The following CDK12 variants were observed in gnomAD, a reference collection of about 807,000 sequenced individuals.
CDK12 encodes cyclin-dependent kinase 12.
In CDK12, 17 loss-of-function variants were observed where a neutral mutation model predicts 133.8. The ratio of observed to expected loss-of-function variants is 0.13; its 90% CI spans 0.09 to 0.19. CDK12 has a LOEUF of 0.19. Ranked by LOEUF, CDK12 falls within the 10% of genes least tolerant of loss-of-function variation. The pLI is 1.00. For missense variants in CDK12, 1,508 were observed against 1,818.7 expected, an observed-to-expected ratio of 0.83 and a Z score of 3.11; for synonymous variants, 694 against 683.6, an observed-to-expected ratio of 1.02 and a Z score of -0.24.
In CDK12 at chr17:39,508,997, C is replaced by CA. The variant is rs36130789; in HGVS notation, c.2610-690dup. Among the ~76,000 whole-genome samples the CA allele has an allele frequency of 4.3e-3, 522 of 120,680 alleles. 11 individuals are homozygous for CA. Among genetic ancestry groups the CA allele is most frequent in the African/African-American group, 0.011 (349 of 30,738 alleles). The allele number at this position is 120,680 out of a possible 152,430, so 79.2% of individuals were successfully genotyped here. A position where few individuals can be genotyped will look rare whatever the true frequency, so the allele number is the denominator to read the frequency against. ...TAGGTAATAGAGTGAGACTCTGTCT[C>CA]AAAAAAAAAAAAAAAAAATCAGCAG... On this transcript the variant is annotated intron_variant, in intron 6 of 13. Transcript: ENST00000447079.
At chr17:39,494,418 A>T in intron 4 of CDK12, 106 bp from the exon 5 acceptor site, 2 of 891,956 alleles carry the variant, frequency 2.2e-6, no homozygotes, top group Non-Finnish European at 3.5e-6. Context: ...TGTAAGCATT[A>T]AAGTAAGCAC....
chr17:39,525,247 C>T (rs1231609861), intron 12 of CDK12, among the ~76,000 whole-genome samples: 1 of 152,072 alleles, frequency 6.6e-6, no homozygotes, highest in Admixed American at 6.5e-5. Context: ...TTGATAAGAC[C>T]TTCATAGAAT....
rs773061459 is a variant in CDK12, at chr17:39,511,643, T to A, written c.2768+13T>A. The A allele has an allele frequency of 5.1e-6, 8 of 1,569,290 alleles. No individual in the cohort carries two copies. Among genetic ancestry groups the A allele is most frequent in the Non-Finnish European group, 7.0e-6 (8 of 1,141,386 alleles). On this transcript the variant is annotated intron_variant, in intron 8 of 13. Coordinates refer to ENST00000447079, the MANE Select transcript of CDK12 (RefSeq NM_016507.4). Reference sequence around the variant, plus strand: ...TTTGGAGCTGTGGGTAAGGTTCTGTTAACTTTTTCTTTTGTCTGTAACTTA... The same window carrying A: ...TTTGGAGCTGTGGGTAAGGTTCTGTAAACTTTTTCTTTTGTCTGTAACTTA...
intron 11 of CDK12, among the ~76,000 whole-genome samples, chr17:39,523,436 A>G (rs887739093): frequency 6.6e-6 from 1 of 152,158 alleles, no homozygotes; most frequent in African/African-American, 2.4e-5. Flanking sequence ...AGATTGCACC[A>G]CTGCACTCTA....
At chr17:39,529,583 A>G (rs1247371652) in intron 13 of CDK12, among the ~76,000 whole-genome samples, 1 of 152,104 alleles carries the variant, frequency 6.6e-6, no homozygotes, top group Non-Finnish European at 1.5e-5. Context: ...CTTCTGTCTC[A>G]GTGGTTTTCT....
intron 6 of CDK12, among the ~76,000 whole-genome samples, chr17:39,505,683 A>G (rs1030712371): frequency 2.6e-5 from 4 of 152,226 alleles, no homozygotes; most frequent in African/African-American, 9.6e-5. Flanking sequence ...CCGTTGAACA[A>G]CGCAGGTTTG....
At chr17:39,522,457 G>C (rs1173844525) in intron 11 of CDK12, among the ~76,000 whole-genome samples, 1 of 150,192 alleles carries the variant, frequency 6.7e-6, no homozygotes, top group Non-Finnish European at 1.5e-5. Context: ...TTCTGAGACA[G>C]GGTCTCTCAC....
At chr17:39,470,790 A>T in intron 1 of CDK12, 89 bp from the exon 2 acceptor site, 1 of 1,100,408 alleles carries the variant, frequency 9.1e-7, no homozygotes, top group Non-Finnish European at 1.3e-6. Context: ...TTGATAAGTT[A>T]CAGTTCTTCA....
intron 4 of CDK12, among the ~76,000 whole-genome samples, chr17:39,493,704 T>G (rs2051831951): frequency 6.6e-6 from 1 of 152,062 alleles, no homozygotes; most frequent in Admixed American, 6.6e-5. Flanking sequence ...ATTATAACTT[T>G]TAAAACTCTC....
intron 3 of CDK12, among the ~76,000 whole-genome samples, chr17:39,563,712 A>G (rs1260816364): frequency 6.6e-6 from 1 of 152,060 alleles, no homozygotes; most frequent in Non-Finnish European, 1.5e-5. Flanking sequence ...AGGAAGATTA[A>G]GAGAAATCGC....
chr17:39,535,215 A>G (rs2055078686), downstream of CDK12: 2 of 152,176 alleles, frequency 1.3e-5, no homozygotes, highest in Admixed American at 1.3e-4. Flanking sequence ...AGTTATGACA[A>G]ATGGGCAGAG....
In CDK12 at chr17:39,530,739, C is replaced by T. The variant is rs1335730772; in HGVS notation, c.3896C>T (p.Ala1299Val). ...APQELNPAVTAALLQLLSQPE... is the reference protein window; with the variant it reads ...APQELNPAVTVALLQLLSQPE... ...CAGGAGTTGAACCCAGCCGTGACAG[C>T]CGCCTTGCTGCAACTTTTATCCCAG... The change falls in exon 14 of 14, where the codon GCC (alanine) becomes GTC (valine). Residue 1299 changes from alanine (A) to valine (V), a missense_variant. By Grantham distance (64) the Ala-to-Val change is moderately conservative (BLOSUM62 0). Around this residue, in one of 9 missense-constraint regions of CDK12, gnomAD observed 399 missense variants for 469.6 expected, o/e 0.85. Transcript: ENST00000447079. 1 of 1,614,070 alleles carries T rather than the reference C, an allele frequency of 6.2e-7. No individual in the cohort carries two copies. Among genetic ancestry groups the T allele is most frequent in the Non-Finnish European group, 8.5e-7 (1 of 1,180,026 alleles).
rs1269558838 is a variant in CDK12 at position 39,520,078 on chromosome 17, C to A, written c.3086C>A (p.Ala1029Asp). Reference sequence around the variant, plus strand: ...AAAGATGTCGAACTCAGCAAAATGGCTCCTCCAGAGTAAGTGCTGGTAGCC... The same window carrying A: ...AAAGATGTCGAACTCAGCAAAATGGATCCTCCAGAGTAAGTGCTGGTAGCC... ...FLKDVELSKM[A>D]PPDLPHWQDC... Residue 1029 changes from alanine to aspartate, a missense_variant, in exon 11 of 14, where the codon GCT (alanine) becomes GAT (aspartate). Physicochemically the swap from Ala to Asp is moderately radical, Grantham distance 126 (BLOSUM62 -2). Around this residue, in one of 9 missense-constraint regions of CDK12, gnomAD observed 399 missense variants for 469.6 expected, o/e 0.85. Transcript: ENST00000447079. The A allele has an allele frequency of 2.5e-6, 4 of 1,613,860 alleles. No homozygotes were observed. The highest frequency in any genetic ancestry group is 3.4e-6 in the Non-Finnish European group (4 of 1,179,948).
intron 9 of CDK12, among the ~76,000 whole-genome samples, 187 bp from the exon 10 acceptor site, chr17:39,517,253 T>C (rs2053871410): frequency 6.6e-6 from 1 of 152,224 alleles, no homozygotes; most frequent in African/African-American, 2.4e-5. Context: ...TTATAACCAG[T>C]TCTTTCTGTT....
upstream of CDK12, among the ~76,000 whole-genome samples, chr17:39,544,946 G>A (rs1023641044): frequency 4.6e-5 from 7 of 152,112 alleles, no homozygotes; most frequent in Admixed American, 2.6e-4. Context: ...TGATCTCAGG[G>A]AAGTTTCTTA....
rs368841345 is a variant in CDK12, at chr17:39,519,999, C to T, written c.3007C>T (p.Leu1003=). Reference sequence around the variant, plus strand: ...TGATTTATTGGACCACATGCTGACACTAGATCCTAGTAAGCGGTGCACAGC... The same window carrying T: ...TGATTTATTGGACCACATGCTGACATTAGATCCTAGTAAGCGGTGCACAGC... ...ALDLLDHMLT[L]DPSKRCTAEQ... Residue 1003 remains leucine (L), a synonymous_variant, in exon 11 of 14, where the codon CTA becomes TTA. Coordinates refer to ENST00000447079, the MANE Select transcript of CDK12 (RefSeq NM_016507.4). The T allele has an allele frequency of 6.2e-7, 1 of 1,613,990 alleles. No homozygotes were observed. The highest frequency in any genetic ancestry group is 8.5e-7 in the Non-Finnish European group (1 of 1,179,880).
At chr17:39,550,514 AG>A (rs2055911420) in intron 1 of CDK12, 1 of 152,278 alleles carries the variant, frequency 6.6e-6, no homozygotes, top group African/African-American at 2.4e-5. Flanking sequence ...AAATTGTGAA[AG>A]GAAGGTGGGG....
intron 3 of CDK12, among the ~76,000 whole-genome samples, chr17:39,563,315 G>C (rs372984229): frequency 8.5e-5 from 13 of 152,190 alleles, no homozygotes; most frequent in East Asian, 5.8e-4. Flanking sequence ...CCCTGACTGG[G>C]TGGTGTGATC....
intron 1 of CDK12, 90 bp from the exon 2 acceptor site, chr17:39,470,789 T>TA: frequency 9.1e-7 from 1 of 1,101,586 alleles, no homozygotes; most frequent in Non-Finnish European, 1.3e-6. Flanking sequence ...ATTGATAAGT[T>TA]ACAGTTCTTC....
Sources: allele counts gnomAD v4.1 joint callset (sites outside exome capture counted in the v4.1 genomes callset), GRCh38; gene constraint gnomAD v4.1.1; regional missense constraint gnomAD v4.1.1; transcripts MANE v1.5; gene names NCBI Gene and HGNC (gene_info 2026-07-23, HGNC 2026-07-21).